Variants in MYO1B observed in about 807,000 individuals in gnomAD.
The protein encoded by MYO1B is myosin IB, also known as unconventional myosin-Ib.
In MYO1B, 72 loss-of-function variants were observed where a neutral mutation model predicts 159.7. That is an observed-to-expected ratio of 0.45 (90% CI 0.37 to 0.55). The LOEUF is 0.55. MYO1B is among the 20% of genes least tolerant of loss of function. The probability of loss-of-function intolerance (pLI) is 0.00; values close to 1 mark genes in which losing one functional copy is unlikely to be tolerated. For synonymous variants in MYO1B, 468 were observed against 473.8 expected, an observed-to-expected ratio of 0.99 and a Z score of 0.16; for missense variants, 1,062 against 1,364.8, an observed-to-expected ratio of 0.78 and a Z score of 3.50.
At chr2:191,317,861 T>C (rs1297103702) in intron 3 of MYO1B, among the ~76,000 whole-genome samples, 1 of 152,264 alleles carries the variant, frequency 6.6e-6, no homozygotes, top group Admixed American at 6.5e-5. Flanking sequence ...CACTTATATA[T>C]GTCTACTGAA....
intron 1 of MYO1B, among the ~76,000 whole-genome samples, chr2:191,251,169 AC>A (rs533572525): frequency 6.6e-6 from 1 of 151,676 alleles, no homozygotes; most frequent in Non-Finnish European, 1.5e-5. Context: ...CCCTTTTCTT[AC>A]CCCCTTGCTG....
Position 191,386,011 on chromosome 2 carries a change from G to T in MYO1B, c.1481G>T (p.Ser494Ile). 4 of 1,614,100 alleles carry T rather than the reference G, an allele frequency of 2.5e-6. No homozygotes were observed. Among genetic ancestry groups the T allele is most frequent in the Non-Finnish European group, 3.4e-6 (4 of 1,179,982 alleles). Reference sequence around the variant, plus strand: ...CACCAGCATTTTGAGAGCAGGATGAGCAAGTGCTCTCGGTTCCTCAATGAC... The same window carrying T: ...CACCAGCATTTTGAGAGCAGGATGATCAAGTGCTCTCGGTTCCTCAATGAC... ...ATHQHFESRM[S>I]KCSRFLNDTS... The change falls in exon 16 of 31, where the codon AGC becomes ATC. Residue 494 changes from serine to isoleucine, a missense_variant. By Grantham distance (142) the Ser-to-Ile change is moderately radical (BLOSUM62 -2). Coordinates refer to ENST00000392318, the MANE Select transcript of MYO1B (RefSeq NM_001130158.3).
At chr2:191,294,346 C>T (rs1401496805) in intron 2 of MYO1B, among the ~76,000 whole-genome samples, 1 of 151,978 alleles carries the variant, frequency 6.6e-6, no homozygotes, top group East Asian at 1.9e-4. Context: ...CTATTGTATT[C>T]AAGAAAAAGG....
intron 27 of MYO1B, among the ~76,000 whole-genome samples, chr2:191,413,743 T>G (rs1314616481): frequency 6.6e-6 from 1 of 152,214 alleles, no homozygotes; most frequent in African/African-American, 2.4e-5. Context: ...CATGAGGCCA[T>G]GTACTTGAGT....
chr2:191,368,764 A>C (rs911397807), intron 11 of MYO1B, among the ~76,000 whole-genome samples: 1 of 152,140 alleles, frequency 6.6e-6, no homozygotes, highest in African/African-American at 2.4e-5. Flanking sequence ...ACCTGAGGCC[A>C]GGAGTTTGAG....
At chr2:191,359,509 G>A (rs995057068) in intron 7 of MYO1B, among the ~76,000 whole-genome samples, 9 of 152,008 alleles carry the variant, frequency 5.9e-5, no homozygotes, top group African/African-American at 1.9e-4. Flanking sequence ...TTCTTATGCT[G>A]CATCTCTTTA....
chr2:191,294,888 A>G (rs185880592), intron 2 of MYO1B, among the ~76,000 whole-genome samples: 71 of 152,180 alleles, frequency 4.7e-4, no homozygotes, highest in African/African-American at 1.6e-3. Flanking sequence ...GAAAAAAAAA[A>G]GTCAGCAGAA....
intron 4 of MYO1B, among the ~76,000 whole-genome samples, chr2:191,340,694 G>A (rs548967576): frequency 6.6e-6 from 1 of 151,506 alleles, no homozygotes; most frequent in East Asian, 1.9e-4. Flanking sequence ...TAATGAATTT[G>A]GTCTAATTAT....
At chr2:191,348,946 T>A (rs115759919) in intron 6 of MYO1B, among the ~76,000 whole-genome samples, 2 of 152,192 alleles carry the variant, frequency 1.3e-5, no homozygotes, top group Non-Finnish European at 1.5e-5. Context: ...CCAATTCTTA[T>A]GCCTACTCCT....
chr2:191,251,234 G>T lies in MYO1B; in HGVS notation c.-10+5608G>T, dbSNP rs375123727. Among the ~76,000 whole-genome samples, 406 of 152,286 alleles carry T rather than the reference G, an allele frequency of 2.7e-3. 5 individuals are homozygous for T. The Middle Eastern group carries it at 0.027, about 10-fold the overall frequency. ...GTCATCTGGGAGTTTCAGGGCGTTT[G>T]TCTGATCTCTGGTCTCCAGTCTGCC... On this transcript the variant is annotated intron_variant, in intron 1 of 30. Coordinates refer to ENST00000392318, the MANE Select transcript of MYO1B (RefSeq NM_001130158.3).
At chr2:191,361,569 T>A (rs1222371529) in intron 8 of MYO1B, among the ~76,000 whole-genome samples, 1 of 150,864 alleles carries the variant, frequency 6.6e-6, no homozygotes, top group Non-Finnish European at 1.5e-5. Flanking sequence ...CCCTGAAGTA[T>A]CTACTATATT....
At chr2:191,357,610 T>A (rs1252682867) in intron 7 of MYO1B, among the ~76,000 whole-genome samples, 1 of 152,242 alleles carries the variant, frequency 6.6e-6, no homozygotes, top group Admixed American at 6.5e-5. Flanking sequence ...CTTTACTAAG[T>A]CTTGTTAGCA....
At chr2:191,402,466 A>G in intron 23 of MYO1B, 166 bp from the exon 24 acceptor site, 1 of 640,702 alleles carries the variant, frequency 1.6e-6, no homozygotes, top group Non-Finnish European at 2.8e-6. Flanking sequence ...GCGCTGCACC[A>G]GCCTGACACC....
intron 2 of MYO1B, 91 bp downstream of exon 2, chr2:191,277,121 TTC>T: frequency 6.8e-7 from 1 of 1,475,162 alleles, no homozygotes; most frequent in African/African-American, 1.4e-5. Flanking sequence ...TCTTTCTTTT[TTC>T]TCTCTGTTTG....
intron 27 of MYO1B, among the ~76,000 whole-genome samples, chr2:191,413,117 C>A (rs1211930630): frequency 6.6e-6 from 1 of 152,130 alleles, no homozygotes; most frequent in Non-Finnish European, 1.5e-5. Context: ...TCATTTCCAA[C>A]TTATATTTAG....
intron 24 of MYO1B, among the ~76,000 whole-genome samples, chr2:191,402,987 G>C (rs2126141254): frequency 6.6e-6 from 1 of 152,274 alleles, no homozygotes; most frequent in Non-Finnish European, 1.5e-5. Flanking sequence ...GTTCTAGTTT[G>C]TTATCTTTAT....
At chr2:191,283,772 T>G (rs951942736) in intron 2 of MYO1B, among the ~76,000 whole-genome samples, 1 of 152,302 alleles carries the variant, frequency 6.6e-6, no homozygotes, top group Admixed American at 6.5e-5. Context: ...GCTGTGAGCA[T>G]CAAAGGATAC....
chr2:191,274,936 CTCACT>C (rs1687658492), intron 1 of MYO1B, among the ~76,000 whole-genome samples: 1 of 152,044 alleles, frequency 6.6e-6, no homozygotes, highest in Non-Finnish European at 1.5e-5. Flanking sequence ...GAGACAGAGT[CTCACT>C]CTGTTGCCCA....
rs569545156 is a variant in MYO1B at position 191,328,656 on chromosome 2, G to GT, written c.252-1274dup. Among the ~76,000 whole-genome samples the GT allele has an allele frequency of 1.4e-3, 220 of 152,206 alleles. 3 individuals carry two copies. The highest frequency in any genetic ancestry group is 0.014 in the Admixed American group (207 of 15,290). Reference sequence around the variant, plus strand: ...ACTGAAGCTTCCTATCAGCTCTTTTGTTTTTCATTTGGAACCTGCCTATCT... The same window carrying GT: ...ACTGAAGCTTCCTATCAGCTCTTTTGTTTTTTCATTTGGAACCTGCCTATCT... On this transcript the variant is annotated intron_variant, in intron 3 of 30. Coordinates refer to ENST00000392318, the MANE Select transcript of MYO1B (RefSeq NM_001130158.3).
Sources: allele counts gnomAD v4.1 joint callset (sites outside exome capture counted in the v4.1 genomes callset), GRCh38; gene constraint gnomAD v4.1.1; transcripts MANE v1.5; gene names NCBI Gene and HGNC (gene_info 2026-07-23, HGNC 2026-07-21).